Variants in NEGR1 observed in about 807,000 individuals in gnomAD.
NEGR1 encodes neuronal growth regulator 1.
NEGR1 carries 10 observed loss-of-function variants against 40.9 expected under a neutral mutation model. The observed-to-expected ratio is 0.24, with a 90% CI of 0.15 to 0.42. NEGR1 has a LOEUF of 0.42. Among genes scored for constraint, NEGR1 ranks in the 10% least tolerant of loss-of-function variants. The probability of loss-of-function intolerance (pLI) is 1.00; values close to 1 mark genes in which losing one functional copy is unlikely to be tolerated. For synonymous variants in NEGR1, 185 were observed against 166.8 expected (o/e 1.11, Z -0.84); for missense variants, 352 against 438.9 (o/e 0.80, Z 1.77).
intron 2 of NEGR1, among the ~76,000 whole-genome samples, chr1:71,777,532 A>C (rs1408648975): frequency 6.6e-6 from 1 of 152,116 alleles, no homozygotes; most frequent in Non-Finnish European, 1.5e-5. Flanking sequence ...ATACTATGTT[A>C]CTATTACAGC....
rs937758808 is a variant in NEGR1 at position 71,866,957 on chromosome 1, T to C, written c.409+68122A>G. Among the ~76,000 whole-genome samples, 4 of 152,216 alleles carry C rather than the reference T, an allele frequency of 2.6e-5. 1 individual carries two copies. The highest frequency in any genetic ancestry group is 7.2e-5 in the African/African-American group (3 of 41,466). On this transcript the variant is annotated intron_variant, in intron 2 of 6. Coordinates refer to ENST00000357731, the MANE Select transcript of NEGR1 (RefSeq NM_173808.3). The stretch of plus-strand genomic sequence containing the variant: ...CCTACTTCCTTTTTGTTATTGTGAT[T>C]AAATGCAACAGTGTAGAAGAAAGTC...
At chr1:72,145,814 C>T (rs1270300971) in intron 1 of NEGR1, among the ~76,000 whole-genome samples, 1 of 152,082 alleles carries the variant, frequency 6.6e-6, no homozygotes, top group Non-Finnish European at 1.5e-5. Flanking sequence ...TGTCATTCTA[C>T]TGATTTTCTT....
intron 2 of NEGR1, among the ~76,000 whole-genome samples, chr1:71,922,832 A>G (rs942015754): frequency 1.3e-5 from 2 of 152,162 alleles, no homozygotes; most frequent in African/African-American, 4.8e-5. Flanking sequence ...ATTACTTTTT[A>G]CTTCTCAGAG....
intron 1 of NEGR1, among the ~76,000 whole-genome samples, chr1:71,962,991 T>G (rs1646178885): frequency 6.6e-6 from 1 of 152,100 alleles, no homozygotes; most frequent in Non-Finnish European, 1.5e-5. Flanking sequence ...CTCTTTGTTC[T>G]AAATCTCCCA....
intron 1 of NEGR1, among the ~76,000 whole-genome samples, chr1:72,159,440 T>C (rs539192235): frequency 1.2e-4 from 19 of 152,254 alleles, no homozygotes; most frequent in Non-Finnish European, 1.9e-4. Context: ...AATGGGTCAC[T>C]AGATTCTGCA....
In NEGR1 at chr1:71,737,580, CTTATT is replaced by C. The variant is rs578096361; in HGVS notation, c.535+38587_535+38591del. Among the ~76,000 whole-genome samples, 403 of 152,082 alleles carry C rather than the reference CTTATT, an allele frequency of 2.6e-3. 2 individuals are homozygous for C. Among genetic ancestry groups the C allele is most frequent in the African/African-American group, 8.8e-3 (365 of 41,492 alleles). On this transcript the variant is annotated intron_variant, in intron 3 of 6. Transcript: ENST00000357731. The stretch of plus-strand genomic sequence containing the variant: ...ATGCCAAACAAAATAGAGACTAAAA[CTTATT>C]TTATTTTATTTTATTTTGATTTACT...
intron 2 of NEGR1, chr1:71,797,957 A>G (rs1031957675): frequency 1.3e-5 from 2 of 152,046 alleles, no homozygotes; most frequent in African/African-American, 4.8e-5. Flanking sequence ...ACTCAACTAT[A>G]AAATCTGTAT....
intron 6 of NEGR1, among the ~76,000 whole-genome samples, chr1:71,439,396 T>C (rs953006358): frequency 6.6e-6 from 1 of 152,210 alleles, no homozygotes; most frequent in African/African-American, 2.4e-5. Flanking sequence ...AGGATCTGAC[T>C]CTCTCACTCA....
intron 6 of NEGR1, among the ~76,000 whole-genome samples, chr1:71,466,095 C>T (rs949013703): frequency 6.6e-6 from 1 of 151,940 alleles, no homozygotes; most frequent in Non-Finnish European, 1.5e-5. Context: ...ATAGCAGCCC[C>T]CTCACCTGCA....
intron 3 of NEGR1, among the ~76,000 whole-genome samples, chr1:71,727,776 A>T (rs1464161104): frequency 6.6e-6 from 1 of 152,140 alleles, no homozygotes; most frequent in Admixed American, 6.6e-5. Flanking sequence ...GTATAACACA[A>T]AGGCAAAAGC....
chr1:71,832,752 T>C (rs555745154), intron 2 of NEGR1, among the ~76,000 whole-genome samples: 6 of 152,016 alleles, frequency 3.9e-5, no homozygotes, highest in South Asian at 4.2e-4. Context: ...TTAGGCAAAA[T>C]AGAATGGCCT....
chr1:71,763,375 G>A (rs985907165), intron 3 of NEGR1, among the ~76,000 whole-genome samples: 1 of 152,120 alleles, frequency 6.6e-6, no homozygotes, highest in African/African-American at 2.4e-5. Flanking sequence ...GACTAGAGAA[G>A]ATCTGTTCAT....
At chr1:72,075,276 A>C (rs1436198610) in intron 1 of NEGR1, among the ~76,000 whole-genome samples, 1 of 152,154 alleles carries the variant, frequency 6.6e-6, no homozygotes, top group Non-Finnish European at 1.5e-5. Flanking sequence ...TCTTGAAAGA[A>C]GGTGGCTTTT....
rs79519491 is a variant in NEGR1 at position 72,017,729 on chromosome 1, A to G, written c.177-82418T>C. On this transcript the variant is annotated intron_variant, in intron 1 of 6. Coordinates refer to ENST00000357731, the MANE Select transcript of NEGR1 (RefSeq NM_173808.3). ...TTAATTAGTCACAGTTTAAGAAAAA[A>G]AAAACTTTCTGAAACTACTTTGGAA... Among the ~76,000 whole-genome samples the G allele has an allele frequency of 6.3e-3, 960 of 152,194 alleles. 15 individuals carry two copies. The highest frequency in any genetic ancestry group is 0.022 in the African/African-American group (917 of 41,572).
intron 1 of NEGR1, among the ~76,000 whole-genome samples, chr1:71,948,506 A>T (rs1185213490): frequency 6.6e-6 from 1 of 151,676 alleles, no homozygotes; most frequent in African/African-American, 2.4e-5. Context: ...TGAGAGAGAG[A>T]GAGAGAGAGA....
intron 2 of NEGR1, among the ~76,000 whole-genome samples, chr1:71,885,372 G>A (rs1660696072): frequency 6.6e-6 from 1 of 152,224 alleles, no homozygotes; most frequent in South Asian, 2.1e-4. Flanking sequence ...CAGAATGCCA[G>A]CTTGCAATTC....
chr1:71,642,917 T>C, intron 4 of NEGR1, among the ~76,000 whole-genome samples: 1 of 151,978 alleles, frequency 6.6e-6, no homozygotes, highest in South Asian at 2.1e-4. Flanking sequence ...TTATCTAGGA[T>C]TGGGCCTGTA....
chr1:71,540,411 A>T (rs1647652617), intron 6 of NEGR1, among the ~76,000 whole-genome samples: 1 of 151,762 alleles, frequency 6.6e-6, no homozygotes, highest in South Asian at 2.1e-4. Flanking sequence ...TTATTTCCTT[A>T]TACCTAGAAA....
intron 1 of NEGR1, among the ~76,000 whole-genome samples, chr1:72,223,444 G>A (rs1654076176): frequency 6.6e-6 from 1 of 152,160 alleles, no homozygotes. Context: ...GGACTCTTTG[G>A]ATAATGTTAT....
Sources: gnomAD v4.1 joint callset for allele counts (sites outside exome capture counted in the v4.1 genomes callset) on GRCh38, gnomAD v4.1.1 for gene constraint, MANE v1.5 for transcripts, NCBI Gene and HGNC (gene_info 2026-07-23, HGNC 2026-07-21) for gene names.